Variants in PRELID2 observed in about 807,000 individuals in gnomAD.
PRELID2 encodes the protein PRELI domain containing 2, also known as PRELI domain-containing protein 2.
PRELID2 carries 25 observed loss-of-function variants against 28.4 expected under a neutral mutation model. That is an observed-to-expected ratio of 0.88 (90% CI 0.64 to 1.23). PRELID2 has a LOEUF of 1.23. Ranked by LOEUF, PRELID2 falls within the 50% of genes most tolerant of loss-of-function variation. The pLI, the probability that PRELID2 is intolerant of heterozygous loss-of-function variation, is 0.00. For synonymous variants in PRELID2, 76 were observed against 71.6 expected, an observed-to-expected ratio of 1.06 and a Z score of -0.31; for missense variants, 201 against 214.4, an observed-to-expected ratio of 0.94 and a Z score of 0.39.
At chr5:145,604,322 A>G (rs922567300) in intron 1 of PRELID2, among the ~76,000 whole-genome samples, 3 of 152,074 alleles carry the variant, frequency 2.0e-5, no homozygotes, top group African/African-American at 7.2e-5. Context: ...TTTAGCTTCC[A>G]TTCATAAGTG....
At chr5:145,828,625 GT>G (rs1755362966) in intron 1 of PRELID2, among the ~76,000 whole-genome samples, 1 of 152,048 alleles carries the variant, frequency 6.6e-6, no homozygotes, top group Admixed American at 6.5e-5. Flanking sequence ...ATATTTACTT[GT>G]TTTTAAAAAG....
chr5:145,415,506 C>T, the PRELID2 span, among the ~76,000 whole-genome samples: 1 of 147,690 alleles, frequency 6.8e-6, no homozygotes, highest in African/African-American at 2.5e-5. Flanking sequence ...GTTCAATTCC[C>T]ATCTATGAGC....
rs1010074547 is a variant in PRELID2, at chr5:145,690,040, A to AGT, written n.70+74889_70+74890dup. Among the ~76,000 whole-genome samples, 4 of 131,712 alleles carry AGT rather than the reference A, an allele frequency of 3.0e-5. 1 individual carries two copies. The highest frequency in any genetic ancestry group is 1.2e-4 in the African/African-American group (4 of 33,372). The allele number at this position is 131,712 out of a possible 152,430, so 86.4% of individuals were successfully genotyped here. ...AGTCTAGCTTCATGGCCCAGGCTGG[A>AGT]GTGCAATGGTGCAATCTCCACTCAC... On this transcript the variant is annotated intron_variant and non_coding_transcript_variant, in intron 1 of 2. Coordinates refer to the PRELID2 transcript ENST00000510259.
intron 1 of PRELID2, among the ~76,000 whole-genome samples, chr5:145,592,683 G>A (rs1017676468): frequency 6.6e-6 from 1 of 152,138 alleles, no homozygotes; most frequent in African/African-American, 2.4e-5. Context: ...AGTAAATAGA[G>A]CTGAGAGTTA....
intron 1 of PRELID2, among the ~76,000 whole-genome samples, chr5:145,624,299 G>A (rs1161157910): frequency 6.6e-6 from 1 of 152,178 alleles, no homozygotes; most frequent in Non-Finnish European, 1.5e-5. Context: ...GGCTATGGTT[G>A]ATTAACTTAA....
intron 5 of PRELID2, among the ~76,000 whole-genome samples, chr5:145,774,107 G>A (rs1397705443): frequency 6.6e-6 from 1 of 152,132 alleles, no homozygotes; most frequent in Non-Finnish European, 1.5e-5. Flanking sequence ...CCTCAATATT[G>A]AATCTAATGA....
intron 5 of PRELID2, chr5:145,795,261 T>G (rs933361718): frequency 2.0e-5 from 3 of 151,998 alleles, no homozygotes; most frequent in African/African-American, 4.8e-5. Context: ...GCAGAAAAAT[T>G]TGCAATAATG....
chr5:145,658,468 G>C (rs909862013), intron 1 of PRELID2, among the ~76,000 whole-genome samples: 4 of 152,182 alleles, frequency 2.6e-5, no homozygotes, highest in African/African-American at 9.7e-5. Flanking sequence ...GGGCCTAGTG[G>C]AAAGTATTAG....
chr5:145,811,082 C>CAAAAAAA, intron 4 of PRELID2, among the ~76,000 whole-genome samples: 1 of 26,730 alleles, frequency 3.7e-5, no homozygotes, highest in Non-Finnish European at 6.8e-5. Flanking sequence ...TGGCAGCAGG[C>CAAAAAAA]AAAAAAAAAA....
chr5:145,391,686 T>C, the PRELID2 span, among the ~76,000 whole-genome samples: 1 of 147,200 alleles, frequency 6.8e-6, no homozygotes, highest in Non-Finnish European at 1.5e-5. Flanking sequence ...AATGTTTTGT[T>C]TTTTTTTTTT....
intron 1 of PRELID2, among the ~76,000 whole-genome samples, chr5:145,721,262 T>C (rs1251771062): frequency 6.6e-6 from 1 of 152,094 alleles, no homozygotes; most frequent in Admixed American, 6.6e-5. Flanking sequence ...CTTAGTATTA[T>C]TATGAAAATA....
chr5:145,733,420 C>T (rs2149728584), intron 1 of PRELID2, among the ~76,000 whole-genome samples: 1 of 152,246 alleles, frequency 6.6e-6, no homozygotes, highest in South Asian at 2.1e-4. Context: ...TGGCAGTTGG[C>T]TGGTTAATTG....
At chr5:145,272,871 C>T in the PRELID2 span, among the ~76,000 whole-genome samples, 1 of 151,978 alleles carries the variant, frequency 6.6e-6, no homozygotes, top group African/African-American at 2.4e-5. Flanking sequence ...TCTGTGAAGA[C>T]CTCACAAATG....
At chr5:145,411,161 C>T in the PRELID2 span, among the ~76,000 whole-genome samples, 14 of 152,160 alleles carry the variant, frequency 9.2e-5, no homozygotes, top group Non-Finnish European at 1.8e-4. Flanking sequence ...ACTTACAGTT[C>T]CACGTGGCTG....
At chr5:145,557,324 A>G (rs1752888659) in intron 1 of PRELID2, among the ~76,000 whole-genome samples, 1 of 152,234 alleles carries the variant, frequency 6.6e-6, no homozygotes, top group East Asian at 1.9e-4. Context: ...TGAATGAGGT[A>G]GAGACAACAG....
At chr5:145,656,462 T>C (rs1754395477) in intron 1 of PRELID2, among the ~76,000 whole-genome samples, 1 of 152,094 alleles carries the variant, frequency 6.6e-6, no homozygotes, top group Admixed American at 6.5e-5. Context: ...TGTATGTTCA[T>C]TGCGGCACTA....
intron 1 of PRELID2, among the ~76,000 whole-genome samples, chr5:145,744,827 T>C (rs569191262): frequency 2.6e-5 from 4 of 151,958 alleles, no homozygotes; most frequent in Non-Finnish European, 5.9e-5. Context: ...GCAACGTTTC[T>C]CCAGCAAGGG....
chr5:145,254,400 G>T, the PRELID2 span, among the ~76,000 whole-genome samples: 2 of 152,058 alleles, frequency 1.3e-5, no homozygotes, highest in African/African-American at 4.8e-5. Flanking sequence ...TGATTATTTT[G>T]CTCTCTGTTC....
the PRELID2 span, among the ~76,000 whole-genome samples, chr5:145,412,021 G>T: frequency 1.9e-4 from 29 of 152,294 alleles, no homozygotes; most frequent in South Asian, 2.7e-3. Flanking sequence ...ACAGCAGGGG[G>T]TCCCTGGGCC....
Sources: gnomAD v4.1 joint callset for allele counts (sites outside exome capture counted in the v4.1 genomes callset) on GRCh38, gnomAD v4.1.1 for gene constraint, MANE v1.5 for transcripts, NCBI Gene and HGNC (gene_info 2026-07-23, HGNC 2026-07-21) for gene names.